The following ANKRD30B variants were observed in gnomAD, a reference collection of about 807,000 sequenced individuals.
ANKRD30B encodes the protein ankyrin repeat domain-containing protein 30B.
ANKRD30B carries 144 observed loss-of-function variants against 202.2 expected under a neutral mutation model. That is an observed-to-expected ratio of 0.71 (90% CI 0.62 to 0.82). ANKRD30B has a LOEUF of 0.82. ANKRD30B is among the 40% of genes least tolerant of loss of function. The probability of loss-of-function intolerance (pLI) is 0.00; values close to 1 mark genes in which losing one functional copy is unlikely to be tolerated. For missense variants in ANKRD30B, 1,487 were observed against 1,669.1 expected (o/e 0.89, Z 1.90); for synonymous variants, 508 against 561.3 (o/e 0.91, Z 1.34).
the ANKRD30B span, among the ~76,000 whole-genome samples, chr18:14,900,000 T>C: frequency 6.6e-6 from 1 of 152,188 alleles, no homozygotes; most frequent in Non-Finnish European, 1.5e-5. Flanking sequence ...CAGGCATTCA[T>C]ATTTGATGTG....
chr18:14,926,603 T>C, the ANKRD30B span, among the ~76,000 whole-genome samples: 1 of 152,208 alleles, frequency 6.6e-6, no homozygotes, highest in African/African-American at 2.4e-5. Context: ...TTAAGTAACT[T>C]ACAAATATTT....
intron 9 of ANKRD30B, among the ~76,000 whole-genome samples, chr18:14,772,965 T>C (rs1342599079): frequency 1.3e-5 from 2 of 152,022 alleles, no homozygotes; most frequent in Non-Finnish European, 2.9e-5. Context: ...TTAAAAATAA[T>C]TGTAGAAATT....
intron 11 of ANKRD30B, among the ~76,000 whole-genome samples, chr18:14,781,020 C>T (rs1380018324): frequency 7.3e-6 from 1 of 137,438 alleles, no homozygotes; most frequent in Non-Finnish European, 1.6e-5. Flanking sequence ...TGACCTCTTA[C>T]ATCCAAGCCC....
chr18:14,852,075 A>G lies in ANKRD30B; in HGVS notation c.4131A>G (p.Ala1377=), dbSNP rs763056430. The change falls in exon 42 of 44, where the codon GCA becomes GCG. Residue 1377 remains alanine (A), a synonymous_variant. Transcript: ENST00000690538. Reference sequence around the variant, plus strand: ...CAGGAGATGATCTAAGAGAAAATGCATTGGTTTCAGAACATGCACAAAGAG... The same window carrying G: ...CAGGAGATGATCTAAGAGAAAATGCGTTGGTTTCAGAACATGCACAAAGAG... ...NYAGDDLREN[A]LVSEHAQRDR... is the part of the protein sequence containing the mutation. The G allele has an allele frequency of 1.9e-6, 3 of 1,610,300 alleles. No homozygotes were observed. The highest frequency in any genetic ancestry group is 2.5e-6 in the Non-Finnish European group (3 of 1,177,710).
At chr18:14,755,042 A>T in intron 4 of ANKRD30B, 37 bp downstream of exon 4, 12 of 1,191,432 alleles carry the variant, frequency 1.0e-5, no homozygotes, top group African/African-American at 1.6e-5. Context: ...AAAACACTTG[A>T]CTAGTGTTCT....
intron 9 of ANKRD30B, among the ~76,000 whole-genome samples, chr18:14,776,759 A>G (rs542598644): frequency 6.9e-4 from 105 of 152,344 alleles, no homozygotes; most frequent in Non-Finnish European, 1.2e-3. Context: ...TGCGTACTTT[A>G]TCTAATGATT....
chr18:14,840,403 G>A (rs1303820474), intron 36 of ANKRD30B, among the ~76,000 whole-genome samples, 185 bp from the exon 37 acceptor site: 1 of 152,052 alleles, frequency 6.6e-6, no homozygotes, highest in Non-Finnish European at 1.5e-5. Flanking sequence ...GCCAGGTGTG[G>A]TAGCTCATGC....
Position 14,766,873 on chromosome 18 carries a change from A to G in ANKRD30B, c.1226-2470A>G, listed in dbSNP as rs189743703. 2.3e-3 allele frequency among the ~76,000 whole-genome samples: 349 copies of G among 152,316 alleles called. 1 individual carries two copies. Among genetic ancestry groups the G allele is most frequent in the Non-Finnish European group, 3.6e-3 (248 of 68,032 alleles). ...AAAGTAGGAGAGGAGTTACTTTTAA[A>G]TGTGAGAATTTCAAGCAGTAAGATT... On this transcript the variant is annotated intron_variant, in intron 7 of 43. Coordinates refer to ENST00000690538, the MANE Select transcript of ANKRD30B (RefSeq NM_001367607.2).
the ANKRD30B span, among the ~76,000 whole-genome samples, chr18:14,860,571 G>C: frequency 4.0e-5 from 6 of 149,800 alleles, no homozygotes; most frequent in African/African-American, 4.9e-5. Flanking sequence ...CCTCCCAGAT[G>C]ATGGGCTCAA....
chr18:14,797,431 A>G (rs1178494629), intron 18 of ANKRD30B, among the ~76,000 whole-genome samples: 1 of 152,160 alleles, frequency 6.6e-6, no homozygotes, highest in South Asian at 2.1e-4. Flanking sequence ...GCAGTTTTGT[A>G]TTTACAATAA....
intron 15 of ANKRD30B, among the ~76,000 whole-genome samples, chr18:14,790,950 A>G (rs553319815): frequency 1.3e-5 from 2 of 152,302 alleles, no homozygotes; most frequent in East Asian, 3.9e-4. Flanking sequence ...TGATTGGAAT[A>G]GTTTCAGAAC....
chr18:14,793,976 A>G (rs555875866), intron 16 of ANKRD30B, among the ~76,000 whole-genome samples: 1 of 152,150 alleles, frequency 6.6e-6, no homozygotes, highest in Non-Finnish European at 1.5e-5. Context: ...AAAAAGCATC[A>G]TAATAATTAT....
At chr18:14,939,620 G>C in the ANKRD30B span, among the ~76,000 whole-genome samples, 2 of 152,220 alleles carry the variant, frequency 1.3e-5, no homozygotes. Flanking sequence ...TGGATCAATG[G>C]CCCACGGGAC....
intron 39 of ANKRD30B, among the ~76,000 whole-genome samples, chr18:14,848,171 C>T (rs954987274): frequency 3.3e-5 from 5 of 151,838 alleles, no homozygotes; most frequent in Admixed American, 2.0e-4. Flanking sequence ...TTCTGTTTTT[C>T]AGGGACTATC....
the ANKRD30B span, among the ~76,000 whole-genome samples, chr18:14,865,696 A>C: frequency 6.8e-6 from 1 of 146,718 alleles, no homozygotes; most frequent in Admixed American, 6.9e-5. Context: ...TCCTTTTGGC[A>C]CTAACCACCC....
the ANKRD30B span, among the ~76,000 whole-genome samples, chr18:14,929,618 A>T: frequency 6.6e-6 from 1 of 152,218 alleles, no homozygotes; most frequent in African/African-American, 2.4e-5. Context: ...TCATGGAATT[A>T]TTCTAGCATC....
intron 10 of ANKRD30B, among the ~76,000 whole-genome samples, chr18:14,778,438 A>G (rs1489478030): frequency 6.6e-6 from 1 of 152,232 alleles, no homozygotes; most frequent in Non-Finnish European, 1.5e-5. Flanking sequence ...AGGCATGATT[A>G]GAAAGTTTTG....
the ANKRD30B span, among the ~76,000 whole-genome samples, chr18:14,931,693 C>G: frequency 1.3e-5 from 2 of 152,236 alleles, no homozygotes; most frequent in South Asian, 4.1e-4. Flanking sequence ...GTGTGCCCCA[C>G]AGCGCACACA....
At chr18:14,775,963 T>C (rs942085588) in intron 9 of ANKRD30B, among the ~76,000 whole-genome samples, 6 of 152,206 alleles carry the variant, frequency 3.9e-5, no homozygotes, top group Non-Finnish European at 8.8e-5. Context: ...TTTTAACAAA[T>C]GTGAAAACAT....
Sources: allele counts gnomAD v4.1 joint callset (sites outside exome capture counted in the v4.1 genomes callset), GRCh38; gene constraint gnomAD v4.1.1; transcripts MANE v1.5; gene names NCBI Gene and HGNC (gene_info 2026-07-23, HGNC 2026-07-21).